CASK: variants seen among roughly 807,000 people sequenced by gnomAD.
CASK encodes the protein calcium/calmodulin dependent serine protein kinase.
Under a neutral mutation model 82.9 loss-of-function variants are expected in CASK, and 4 were observed. The observed-to-expected ratio is 0.05, with a 90% CI of 0.02 to 0.11. The LOEUF is 0.11. Among genes scored for constraint, CASK ranks in the 10% least tolerant of loss-of-function variants. The pLI is 1.00. For synonymous variants in CASK, 259 were observed against 253.5 expected, an observed-to-expected ratio of 1.02 and a Z score of -0.20; for missense variants, 358 against 720.9, an observed-to-expected ratio of 0.50 and a Z score of 5.76.
At chrX:41,808,301 G>A (rs2070176385) in intron 2 of CASK, among the ~76,000 whole-genome samples, 1 of 111,678 alleles carries the variant, frequency 9.0e-6, no homozygotes, top group Non-Finnish European at 1.9e-5. Flanking sequence ...TTGAATCTAG[G>A]TTTTGCCATT....
intron 5 of CASK, among the ~76,000 whole-genome samples, chrX:41,688,467 G>A (rs2067482809): frequency 1.8e-5 from 2 of 112,035 alleles, no homozygotes; most frequent in African/African-American, 6.5e-5. Flanking sequence ...TACAGGTGAT[G>A]TTTTAATTTG....
At chrX:41,826,409 A>G (rs1268595692) in intron 2 of CASK, among the ~76,000 whole-genome samples, 3 of 112,125 alleles carry the variant, frequency 2.7e-5, no homozygotes, top group Non-Finnish European at 5.6e-5. Flanking sequence ...TGAAGTCTCT[A>G]AGGGAAAATA....
At chrX:41,845,959 C>T (rs889428265) in intron 2 of CASK, among the ~76,000 whole-genome samples, 2 of 111,673 alleles carry the variant, frequency 1.8e-5, no homozygotes, top group Non-Finnish European at 3.8e-5. Flanking sequence ...AGGTAACCCT[C>T]GTACGCTGTT....
intron 12 of CASK, among the ~76,000 whole-genome samples, chrX:41,590,510 CA>C (rs763695085): frequency 3.2e-3 from 101 of 31,291 alleles, no homozygotes; most frequent in African/African-American, 0.011. Flanking sequence ...ATTCCGTCTC[CA>C]AAAAAAAAAA....
At chrX:41,909,699 G>A (rs962004608) in intron 1 of CASK, among the ~76,000 whole-genome samples, 1 of 110,103 alleles carries the variant, frequency 9.1e-6, no homozygotes, top group African/African-American at 3.3e-5. Context: ...ATGCCTCCCG[G>A]GTTCAAACTA....
intron 3 of CASK, among the ~76,000 whole-genome samples, chrX:41,752,301 T>G (rs1360485232): frequency 1.8e-5 from 2 of 109,338 alleles, no homozygotes; most frequent in Non-Finnish European, 3.8e-5. Context: ...AACTTTTTTT[T>G]TTTTTCCAAG....
chrX:41,830,568 C>A (rs1185376274), intron 2 of CASK, among the ~76,000 whole-genome samples: 1 of 110,463 alleles, frequency 9.1e-6, no homozygotes, highest in Non-Finnish European at 1.9e-5. Context: ...CGCCTGTAAT[C>A]CCAGCACTTT....
At chrX:41,795,909 A>G (rs946207087) in intron 2 of CASK, among the ~76,000 whole-genome samples, 3 of 111,123 alleles carry the variant, frequency 2.7e-5, no homozygotes, top group Non-Finnish European at 5.7e-5. Context: ...TACCTTATTT[A>G]AGTCATTCTA....
At chrX:41,569,514 G>A (rs1019875124) in intron 16 of CASK, among the ~76,000 whole-genome samples, 154 bp downstream of exon 16, 1 of 111,181 alleles carries the variant, frequency 9.0e-6, no homozygotes, top group Non-Finnish European at 1.9e-5. Context: ...AGCTGAGACG[G>A]GAGGATTGCT....
In CASK at chrX:41,813,224, G is replaced by A. The variant is rs1031443549; in HGVS notation, c.173-25941C>T. 1.1e-4 allele frequency among the ~76,000 whole-genome samples: 12 copies of A among 111,218 alleles called. No individual in the cohort carries two copies. The East Asian group carries it at 2.0e-3, about 18-fold the overall frequency. On this transcript the variant is annotated intron_variant, in intron 2 of 26. Coordinates refer to ENST00000378163, the MANE Select transcript of CASK (RefSeq NM_001367721.1). ...TCAAGCTACCAATGACTTTCTTCAC[G>A]AAATTGGAAAAAACTACTTTAAAGT...
chrX:41,909,862 C>T (rs1396646945), intron 1 of CASK, among the ~76,000 whole-genome samples: 2 of 111,865 alleles, frequency 1.8e-5, no homozygotes, highest in African/African-American at 6.5e-5. Flanking sequence ...CCACCTTGGC[C>T]TCCCAAAGTG....
At chrX:41,524,590 T>C (rs1272911120) in intron 25 of CASK, 1 of 124,080 alleles carries the variant, frequency 8.1e-6, no homozygotes, top group Non-Finnish European at 1.6e-5. Flanking sequence ...AGACTTTGTG[T>C]CTTAGTCCTG....
chrX:41,737,174 C>T (rs1002957362), intron 5 of CASK, among the ~76,000 whole-genome samples: 9 of 111,631 alleles, frequency 8.1e-5, no homozygotes, highest in Non-Finnish European at 1.5e-4. Flanking sequence ...GATAGGGCCA[C>T]GTGGAGAGAG....
intron 15 of CASK, among the ~76,000 whole-genome samples, chrX:41,571,851 T>C (rs1438593963): frequency 4.5e-5 from 5 of 111,745 alleles, no homozygotes; most frequent in Admixed American, 1.9e-4. Flanking sequence ...ATACTGTGGT[T>C]CATTTTAATT....
chrX:41,756,721 A>G (rs968768397), intron 3 of CASK, among the ~76,000 whole-genome samples: 1 of 112,567 alleles, frequency 8.9e-6, no homozygotes, highest in Non-Finnish European at 1.9e-5. Flanking sequence ...TCTACGACAT[A>G]GGTATTATGA....
chrX:41,797,844 T>G (rs1404089392), intron 2 of CASK, among the ~76,000 whole-genome samples: 1 of 111,688 alleles, frequency 9.0e-6, no homozygotes, highest in Non-Finnish European at 1.9e-5. Context: ...TTCAAGGAAA[T>G]CTACTCCAGG....
chrX:41,718,867 C>T (rs1245576857), intron 5 of CASK, among the ~76,000 whole-genome samples: 1 of 111,593 alleles, frequency 9.0e-6, no homozygotes, highest in Non-Finnish European at 1.9e-5. Flanking sequence ...TCTTATTAGG[C>T]AAAGTGCAGG....
intron 1 of CASK, among the ~76,000 whole-genome samples, chrX:41,856,035 TCCCTATGCA>T (rs1256316978): frequency 8.9e-6 from 1 of 112,203 alleles, no homozygotes; most frequent in African/African-American, 3.2e-5. Context: ...TTCAATTATG[TCCCTATGCA>T]GACACAGACT....
At position 41,646,468 on chromosome X, in the gene CASK, GCTCATT is replaced by G. The variant is rs767168218; in HGVS notation, c.832-9813_832-9808del. Among the ~76,000 whole-genome samples the G allele has an allele frequency of 1.3e-4, 14 of 111,083 alleles. No homozygotes were observed. In the East Asian group the frequency reaches 3.7e-3, roughly 29 times the overall value. Reference sequence around the variant, plus strand: ...CATTCTACTGTGCATACGAGGATCAGCTCATTCTTTCTCTTAAAATAGGAAGATAAA... The same window carrying G: ...CATTCTACTGTGCATACGAGGATCAGCTTTCTCTTAAAATAGGAAGATAAA... On this transcript the variant is annotated intron_variant, in intron 8 of 26. Transcript: ENST00000378163.
Sources: gnomAD v4.1 joint callset for allele counts (sites outside exome capture counted in the v4.1 genomes callset) on GRCh38, gnomAD v4.1.1 for gene constraint, MANE v1.5 for transcripts, NCBI Gene and HGNC (gene_info 2026-07-23, HGNC 2026-07-21) for gene names.